ZBTB7C: variants seen among roughly 807,000 people sequenced by gnomAD.
The protein encoded by ZBTB7C is zinc finger and BTB domain containing 7C, also known as zinc finger and BTB domain-containing protein 7C.
Under a neutral mutation model 25.7 loss-of-function variants are expected in ZBTB7C, and 8 were observed. That is an observed-to-expected ratio of 0.31 (90% confidence interval 0.18 to 0.56). The LOEUF (loss-of-function observed/expected upper bound fraction) is 0.56. ZBTB7C is among the 20% of genes least tolerant of loss of function. The probability of loss-of-function intolerance (pLI) is 0.91; values close to 1 mark genes in which losing one functional copy is unlikely to be tolerated. For synonymous variants in ZBTB7C, 394 were observed against 369.0 expected (o/e 1.07, Z -0.78); for missense variants, 824 against 855.2 (o/e 0.96, Z 0.46).
Position 48,029,092 on chromosome 18 carries a change from G to A in ZBTB7C, c.*168C>T. The A allele has an allele frequency of 2.0e-6, 2 of 1,023,498 alleles. No individual in the cohort carries two copies. Among genetic ancestry groups the A allele is most frequent in the Non-Finnish European group, 1.3e-6 (1 of 751,392 alleles). 63.4% of individuals were successfully genotyped at this position (1,023,498 alleles called of 1,614,324 possible). On this transcript the variant is annotated 3_prime_UTR_variant, in exon 5 of 5. Coordinates refer to ENST00000590800, the MANE Select transcript of ZBTB7C (RefSeq NM_001318841.2). ...CGTCTCAGACCAGCAAAAGGAGGCA[G>A]CTGCTTTAGGAGCCCGGGAAAATGC...
rs58114257 is a variant in ZBTB7C, at chr18:48,081,346, G to T, written c.-16-40223C>A. Among the ~76,000 whole-genome samples, 1,302 of 152,286 alleles carry T rather than the reference G, an allele frequency of 8.5e-3. 17 individuals carry two copies. Among genetic ancestry groups the T allele is most frequent in the Middle Eastern group, 0.027 (8 of 294 alleles). ...GACACCTGTTGTACCATCCATGTCA[G>T]GACCAACAGACAAGTCTGATGTAGC... On this transcript the variant is annotated intron_variant, in intron 3 of 4. Coordinates refer to ENST00000590800, the MANE Select transcript of ZBTB7C (RefSeq NM_001318841.2).
In ZBTB7C at chr18:48,073,368, G is replaced by A. The variant is rs533798113; in HGVS notation, c.-16-32245C>T. On this transcript the variant is annotated intron_variant, in intron 3 of 4. Transcript: ENST00000590800. ...TGTAGGCAGCGGAGCAGGGCCAGGC[G>A]AGCAGAGCCGCTGCCACCAGGCGCC... Among the ~76,000 whole-genome samples the A allele has an allele frequency of 2.6e-3, 393 of 152,222 alleles. 1 individual carries two copies. The highest frequency in any genetic ancestry group is 3.9e-3 in the Admixed American group (60 of 15,298).
At chr18:48,136,047 G>A (rs2040144883) in intron 3 of ZBTB7C, among the ~76,000 whole-genome samples, 1 of 152,226 alleles carries the variant, frequency 6.6e-6, no homozygotes, top group Non-Finnish European at 1.5e-5. Context: ...CACGGCGTGG[G>A]GGACCCGACG....
chr18:48,378,738 T>C (rs971788763), intron 1 of ZBTB7C, among the ~76,000 whole-genome samples: 6 of 151,958 alleles, frequency 3.9e-5, no homozygotes, highest in African/African-American at 1.5e-4. Flanking sequence ...CAATATGCAA[T>C]CATAAAACAA....
intron 2 of ZBTB7C, among the ~76,000 whole-genome samples, chr18:48,255,035 C>A (rs941809821): frequency 4.6e-5 from 7 of 152,180 alleles, no homozygotes; most frequent in African/African-American, 1.7e-4. Context: ...CCGAACAAAT[C>A]TTATAAGCAA....
At chr18:48,087,039 T>A (rs1268722199) in intron 3 of ZBTB7C, among the ~76,000 whole-genome samples, 2 of 152,210 alleles carry the variant, frequency 1.3e-5, no homozygotes, top group Admixed American at 6.5e-5. Context: ...ATTTTCCAGA[T>A]GAGAACACTG....
intron 1 of ZBTB7C, among the ~76,000 whole-genome samples, chr18:48,402,705 T>A (rs2048187979): frequency 6.6e-6 from 1 of 152,194 alleles, no homozygotes; most frequent in African/African-American, 2.4e-5. Context: ...GAAAACAATG[T>A]TTTTCCCAAT....
At chr18:48,155,315 A>AT (rs2040803804) in intron 3 of ZBTB7C, among the ~76,000 whole-genome samples, 4 of 118,232 alleles carry the variant, frequency 3.4e-5, no homozygotes, top group African/African-American at 9.7e-5. Context: ...TAACTGTAAT[A>AT]TTCTTTTTTT....
intron 1 of ZBTB7C, among the ~76,000 whole-genome samples, chr18:48,348,914 C>T (rs1568391276): frequency 6.6e-6 from 1 of 152,204 alleles, no homozygotes; most frequent in Non-Finnish European, 1.5e-5. Context: ...TCCAAGAGTT[C>T]CTGAGTGGAC....
intron 3 of ZBTB7C, among the ~76,000 whole-genome samples, chr18:48,175,866 T>G (rs2041658131): frequency 6.6e-6 from 1 of 152,192 alleles, no homozygotes; most frequent in African/African-American, 2.4e-5. Flanking sequence ...AAAAACATTC[T>G]GTTGCTTACA....
chr18:48,091,115 C>T (rs1410073125), intron 3 of ZBTB7C, among the ~76,000 whole-genome samples: 1 of 151,758 alleles, frequency 6.6e-6, no homozygotes, highest in Non-Finnish European at 1.5e-5. Context: ...GCTCTGTCAC[C>T]CAGGCTGGAG....
chr18:48,105,586 A>T lies in ZBTB7C; in HGVS notation c.-16-64463T>A, dbSNP rs185845573. ...CCCTGGAGGGGGTACTGCTCCAGGG[A>T]GTGAGGGGCATGGCATTGCCTCTGG... is the stretch of plus-strand genomic sequence containing the variant. On this transcript the variant is annotated intron_variant, in intron 3 of 4. Coordinates refer to ENST00000590800, the MANE Select transcript of ZBTB7C (RefSeq NM_001318841.2). Among the ~76,000 whole-genome samples, 113 of 152,200 alleles carry T rather than the reference A, an allele frequency of 7.4e-4. 2 individuals carry two copies. Among genetic ancestry groups the T allele is most frequent in the African/African-American group, 2.4e-3 (99 of 41,516 alleles).
chr18:48,294,953 C>T (rs188406370), intron 2 of ZBTB7C, among the ~76,000 whole-genome samples: 1 of 152,244 alleles, frequency 6.6e-6, no homozygotes, highest in Non-Finnish European at 1.5e-5. Flanking sequence ...CTGCCTACTG[C>T]AAGCTGGCTG....
At chr18:48,380,981 A>G (rs748777549) in intron 1 of ZBTB7C, among the ~76,000 whole-genome samples, 3 of 152,222 alleles carry the variant, frequency 2.0e-5, no homozygotes, top group Non-Finnish European at 2.9e-5. Flanking sequence ...ACAGAGAATC[A>G]GGTATCAGAA....
intron 3 of ZBTB7C, among the ~76,000 whole-genome samples, chr18:48,086,402 G>C (rs943007447): frequency 6.6e-6 from 1 of 152,124 alleles, no homozygotes; most frequent in Non-Finnish European, 1.5e-5. Flanking sequence ...CAGAAGGCAG[G>C]CTCCAGAGCC....
At chr18:48,089,277 T>A (rs1048143631) in intron 3 of ZBTB7C, among the ~76,000 whole-genome samples, 13 of 151,824 alleles carry the variant, frequency 8.6e-5, no homozygotes, top group Non-Finnish European at 1.9e-4. Context: ...AAAACCAGCC[T>A]GGCCAACATG....
intron 4 of ZBTB7C, among the ~76,000 whole-genome samples, chr18:48,036,119 A>G (rs916651292): frequency 1.3e-5 from 2 of 152,200 alleles, no homozygotes; most frequent in South Asian, 4.1e-4. Flanking sequence ...GCCTAGGGAG[A>G]TTTCATATTT....
At chr18:48,359,188 G>A (rs958484534) in intron 1 of ZBTB7C, among the ~76,000 whole-genome samples, 1 of 152,148 alleles carries the variant, frequency 6.6e-6, no homozygotes, top group African/African-American at 2.4e-5. Flanking sequence ...ACTAGCTGGT[G>A]GCCATCACCC....
At chr18:48,093,991 G>A (rs920742702) in intron 3 of ZBTB7C, among the ~76,000 whole-genome samples, 40 of 152,142 alleles carry the variant, frequency 2.6e-4, no homozygotes, top group African/African-American at 8.4e-4. Context: ...CCCGGGAGGC[G>A]GAGCTTGCAG....
Sources: gnomAD v4.1 joint callset for allele counts (sites outside exome capture counted in the v4.1 genomes callset) on GRCh38, gnomAD v4.1.1 for gene constraint, MANE v1.5 for transcripts, NCBI Gene and HGNC (gene_info 2026-07-23, HGNC 2026-07-21) for gene names.